COL28A1: variants seen among roughly 807,000 people sequenced by gnomAD.
COL28A1 encodes the protein collagen alpha-1(XXVIII) chain.
In COL28A1, 161 loss-of-function variants were observed where a neutral mutation model predicts 150.2. The ratio of observed to expected loss-of-function variants is 1.07; its 90% CI spans 0.94 to 1.22. The LOEUF is 1.22. Among genes scored for constraint, COL28A1 ranks in the 50% most tolerant of loss-of-function variants. The pLI is 0.00. For synonymous variants in COL28A1, 552 were observed against 469.7 expected (o/e 1.18, Z -2.26); for missense variants, 1,617 against 1,388.3 (o/e 1.16, Z -2.62).
rs144322929 is a variant in COL28A1 at position 7,443,816 on chromosome 7, T to G, written c.1582-163A>C. Among the ~76,000 whole-genome samples, 227 of 152,242 alleles carry G rather than the reference T, an allele frequency of 1.5e-3. 2 individuals carry two copies. Among genetic ancestry groups the G allele is most frequent in the African/African-American group, 5.0e-3 (208 of 41,536 alleles). On this transcript the variant is annotated intron_variant, in intron 19 of 34. Coordinates refer to ENST00000399429, the MANE Select transcript of COL28A1 (RefSeq NM_001037763.3). ...AAATCAATTTGGAAGTTTATAAACT[T>G]GAAATAAAGTAACATCAAACTCCAG...
rs148095134 is a variant in COL28A1 at position 7,419,809 on chromosome 7, A to C, written c.2067+76T>G. On this transcript the variant is annotated intron_variant, in intron 26 of 34. Coordinates refer to ENST00000399429, the MANE Select transcript of COL28A1 (RefSeq NM_001037763.3). ...TAAGTCAACACCAAGACGAACACTT[A>C]TTATGAAGTTACTGTTCACTTGTTT... 1.5e-3 allele frequency: 1,413 copies of C among 918,078 alleles called. 7 individuals carry two copies. The highest frequency in any genetic ancestry group is 1.2e-3 in the Non-Finnish European group (769 of 638,260). 56.9% of individuals were successfully genotyped at this position (918,078 alleles called of 1,614,324 possible). A position where few individuals can be genotyped will look rare whatever the true frequency, so the allele number is the denominator to read the frequency against.
intron 23 of COL28A1, 23 bp downstream of exon 23, chr7:7,436,372 A>T (rs1562640927): frequency 9.0e-7 from 1 of 1,116,256 alleles, no homozygotes; most frequent in East Asian, 2.3e-5. Flanking sequence ...CAGAAAAACA[A>T]AAAGAACATG....
intron 27 of COL28A1, among the ~76,000 whole-genome samples, chr7:7,412,021 G>T (rs1783817368): frequency 6.6e-6 from 1 of 152,012 alleles, no homozygotes; most frequent in South Asian, 2.1e-4. Flanking sequence ...ATTATGAATG[G>T]CAATGATTGT....
Position 7,489,424 on chromosome 7 carries a change from G to C in COL28A1, c.1129C>G (p.Pro377Ala), listed in dbSNP as rs549830532. 44 of 1,467,610 alleles carry C rather than the reference G, an allele frequency of 3.0e-5. No individual in the cohort carries two copies. The Middle Eastern group carries it at 5.2e-4, about 17-fold the overall frequency. 90.9% of individuals were successfully genotyped at this position (1,467,610 alleles called of 1,614,324 possible). A position where few individuals can be genotyped will look rare whatever the true frequency, so the allele number is the denominator to read the frequency against. ...ERGQEGRPGAPGPIGVGEPGQ... is the reference protein window; with the variant it reads ...ERGQEGRPGAAGPIGVGEPGQ... Reference sequence around the variant, plus strand: ...GGCTCACCAACTCCAATGGGTCCTGGAGCTCCCGGTCTTCCTTCTTGGCCT... The same window carrying C: ...GGCTCACCAACTCCAATGGGTCCTGCAGCTCCCGGTCTTCCTTCTTGGCCT... Residue 377 changes from proline to alanine, a missense_variant, in exon 13 of 35, where the codon CCA (proline) becomes GCA (alanine). Coordinates refer to ENST00000399429, the MANE Select transcript of COL28A1 (RefSeq NM_001037763.3).
upstream of COL28A1, among the ~76,000 whole-genome samples, chr7:7,536,943 A>G (rs1245288326): frequency 6.6e-6 from 1 of 152,204 alleles, no homozygotes; most frequent in Non-Finnish European, 1.5e-5. Flanking sequence ...ATAAAGTGAA[A>G]CAATTGATAA....
At chr7:7,400,509 G>A (rs535457869) in intron 27 of COL28A1, among the ~76,000 whole-genome samples, 1 of 152,266 alleles carries the variant, frequency 6.6e-6, no homozygotes, top group Admixed American at 6.5e-5. Flanking sequence ...ATGGCCAGGT[G>A]CCCTTCAGAA....
chr7:7,515,362 G>T (rs1781361978), intron 8 of COL28A1, among the ~76,000 whole-genome samples: 1 of 152,134 alleles, frequency 6.6e-6, no homozygotes, highest in South Asian at 2.1e-4. Flanking sequence ...TACCCAATTG[G>T]CTGACTCAGT....
chr7:7,543,339 C>A, the COL28A1 span, among the ~76,000 whole-genome samples: 2 of 152,188 alleles, frequency 1.3e-5, no homozygotes, highest in Non-Finnish European at 2.9e-5. Flanking sequence ...ATATAAGCAA[C>A]TTTGTAGCTG....
At chr7:7,406,351 C>T (rs1456379277) in intron 27 of COL28A1, among the ~76,000 whole-genome samples, 1 of 152,138 alleles carries the variant, frequency 6.6e-6, no homozygotes, top group Non-Finnish European at 1.5e-5. Context: ...TACATTCATT[C>T]AAGTGTTCCT....
chr7:7,383,994 C>T (rs1438589112), intron 27 of COL28A1, among the ~76,000 whole-genome samples: 1 of 152,128 alleles, frequency 6.6e-6, no homozygotes, highest in East Asian at 1.9e-4. Context: ...TTCACACACC[C>T]ATCCCTAACC....
chr7:7,490,356 G>T (rs1779849261), intron 12 of COL28A1, among the ~76,000 whole-genome samples: 1 of 152,216 alleles, frequency 6.6e-6, no homozygotes, highest in Admixed American at 6.5e-5. Context: ...TTGGAGACAA[G>T]TAAGTTTTTC....
chr7:7,346,161 T>A, the COL28A1 span, among the ~76,000 whole-genome samples: 1 of 152,176 alleles, frequency 6.6e-6, no homozygotes, highest in East Asian at 1.9e-4. Flanking sequence ...TTGCTCTAAT[T>A]TCCCATTTTC....
At chr7:7,396,266 G>A (rs1583286003) in intron 27 of COL28A1, among the ~76,000 whole-genome samples, 2 of 152,210 alleles carry the variant, frequency 1.3e-5, no homozygotes, top group Admixed American at 6.5e-5. Flanking sequence ...CATTTATTGT[G>A]TGCCCATGTG....
At chr7:7,391,595 T>C (rs1193132037) in intron 27 of COL28A1, among the ~76,000 whole-genome samples, 1 of 152,188 alleles carries the variant, frequency 6.6e-6, no homozygotes, top group East Asian at 1.9e-4. Flanking sequence ...TCTCCCACTA[T>C]TATTGTGTGG....
intron 15 of COL28A1, among the ~76,000 whole-genome samples, chr7:7,471,385 C>T (rs947941846): frequency 6.6e-6 from 1 of 152,096 alleles, no homozygotes; most frequent in Non-Finnish European, 1.5e-5. Context: ...CAGTATCATC[C>T]TAATACCAAA....
intron 27 of COL28A1, among the ~76,000 whole-genome samples, chr7:7,411,429 C>T (rs936718817): frequency 1.3e-5 from 2 of 152,130 alleles, no homozygotes; most frequent in Non-Finnish European, 2.9e-5. Context: ...GTCTCAAATG[C>T]TGCTGGCATC....
chr7:7,419,231 T>C (rs1252066924), intron 26 of COL28A1, among the ~76,000 whole-genome samples: 2 of 152,194 alleles, frequency 1.3e-5, no homozygotes, highest in African/African-American at 2.4e-5. Context: ...CTCTTTCTGA[T>C]GGGAGGCTGT....
At chr7:7,395,955 G>C (rs1262028603) in intron 27 of COL28A1, among the ~76,000 whole-genome samples, 1 of 152,126 alleles carries the variant, frequency 6.6e-6, no homozygotes, top group East Asian at 1.9e-4. Flanking sequence ...TTGACTTAGT[G>C]GGTTAATAAC....
chr7:7,359,087 G>A (rs1227035395), intron 34 of COL28A1, among the ~76,000 whole-genome samples: 1 of 152,086 alleles, frequency 6.6e-6, no homozygotes, highest in Non-Finnish European at 1.5e-5. Flanking sequence ...AAGCCTAAGT[G>A]AGACTTCATT....
Sources: allele counts gnomAD v4.1 joint callset (sites outside exome capture counted in the v4.1 genomes callset), GRCh38; gene constraint gnomAD v4.1.1; transcripts MANE v1.5; gene names NCBI Gene and HGNC (gene_info 2026-07-23, HGNC 2026-07-21).